ATRNL1: variants seen among roughly 807,000 people sequenced by gnomAD.
The protein encoded by ATRNL1 is attractin-like protein 1.
In ATRNL1, 95 loss-of-function variants were observed where a neutral mutation model predicts 182.7. The observed-to-expected ratio is 0.52, with a 90% confidence interval of 0.44 to 0.62. The LOEUF is 0.62. ATRNL1 is among the 20% of genes least tolerant of loss of function. The probability of loss-of-function intolerance (pLI) is 0.00; values close to 1 mark genes in which losing one functional copy is unlikely to be tolerated. For synonymous variants in ATRNL1, 576 were observed against 568.3 expected, an observed-to-expected ratio of 1.01 and a Z score of -0.19; for missense variants, 1,471 against 1,679.5, an observed-to-expected ratio of 0.88 and a Z score of 2.17.
intron 19 of ATRNL1, among the ~76,000 whole-genome samples, chr10:115,367,591 A>G (rs185119999): frequency 6.6e-6 from 1 of 151,724 alleles, no homozygotes; most frequent in Non-Finnish European, 1.5e-5. Flanking sequence ...GGAGGAGAGG[A>G]ACTCTGCCTT....
intron 28 of ATRNL1, among the ~76,000 whole-genome samples, chr10:115,892,703 C>T (rs782562849): frequency 2.0e-5 from 3 of 152,080 alleles, no homozygotes; most frequent in South Asian, 2.1e-4. Flanking sequence ...ATTTGAATTC[C>T]GATTGAAATC....
At chr10:115,675,416 GA>G (rs1375598163) in intron 26 of ATRNL1, among the ~76,000 whole-genome samples, 2 of 152,010 alleles carry the variant, frequency 1.3e-5, no homozygotes, top group Non-Finnish European at 2.9e-5. Context: ...AAGTGGAAGA[GA>G]AAGAGAAAGA....
intron 17 of ATRNL1, among the ~76,000 whole-genome samples, chr10:115,303,328 G>T (rs1490771295): frequency 6.7e-6 from 1 of 149,362 alleles, no homozygotes; most frequent in Admixed American, 6.8e-5. Context: ...TGGTTCAAGT[G>T]ATTCTCTTGC....
chr10:115,710,326 TA>T (rs745748036), intron 26 of ATRNL1, among the ~76,000 whole-genome samples: 32 of 152,108 alleles, frequency 2.1e-4, no homozygotes, highest in Non-Finnish European at 4.3e-4. Flanking sequence ...TGAATCAGAT[TA>T]TTTACATTTT....
intron 26 of ATRNL1, among the ~76,000 whole-genome samples, chr10:115,669,308 G>A (rs1945618408): frequency 6.6e-6 from 1 of 151,932 alleles, no homozygotes; most frequent in South Asian, 2.1e-4. Context: ...TTATAAATGG[G>A]ATATAGCAGA....
At chr10:115,923,644 C>T (rs531771258) in intron 28 of ATRNL1, among the ~76,000 whole-genome samples, 4 of 152,202 alleles carry the variant, frequency 2.6e-5, no homozygotes, top group African/African-American at 2.4e-5. Context: ...TTTCTTTATC[C>T]GGTCTATCAT....
At chr10:115,131,144 TGAG>T (rs1186434979) in intron 5 of ATRNL1, among the ~76,000 whole-genome samples, 3 of 152,014 alleles carry the variant, frequency 2.0e-5, no homozygotes, top group Admixed American at 1.3e-4. Flanking sequence ...CAAATGGAAA[TGAG>T]GAAGCAAATA....
At chr10:115,385,697 T>C (rs1554952430) in intron 19 of ATRNL1, among the ~76,000 whole-genome samples, 2 of 152,206 alleles carry the variant, frequency 1.3e-5, no homozygotes, top group African/African-American at 4.8e-5. Flanking sequence ...GTGTTAACTC[T>C]TACATGGAAA....
intron 28 of ATRNL1, among the ~76,000 whole-genome samples, chr10:115,914,157 C>T (rs1339088850): frequency 2.0e-5 from 3 of 152,186 alleles, no homozygotes; most frequent in African/African-American, 7.2e-5. Context: ...TGAAGAAGAA[C>T]GTGTTTGCTT....
intron 8 of ATRNL1, among the ~76,000 whole-genome samples, chr10:115,205,846 C>T (rs2144342717): frequency 6.6e-6 from 1 of 152,102 alleles, no homozygotes; most frequent in South Asian, 2.1e-4. Context: ...TGCTTTCAAC[C>T]ATCAAGCATA....
In ATRNL1 at chr10:115,425,066, C is replaced by T. The variant is rs781857405; in HGVS notation, c.3270-1184C>T. 4.6e-5 allele frequency among the ~76,000 whole-genome samples: 7 copies of T among 151,930 alleles called. No individual in the cohort carries two copies. The South Asian group carries it at 6.2e-4, about 13-fold the overall frequency. On this transcript the variant is annotated intron_variant, in intron 20 of 28. Transcript: ENST00000355044. ...TGACTTTAATTTTATAATTAATATA[C>T]AGTAAAATTTACTCTTCAACTCATT...
intron 26 of ATRNL1, among the ~76,000 whole-genome samples, chr10:115,574,866 CTT>C (rs1284406716): frequency 6.6e-6 from 1 of 152,096 alleles, no homozygotes; most frequent in African/African-American, 2.4e-5. Flanking sequence ...AGAAACATCT[CTT>C]AAACAAAATT....
chr10:115,231,634 A>G (rs1849957782), intron 9 of ATRNL1, among the ~76,000 whole-genome samples: 1 of 152,154 alleles, frequency 6.6e-6, no homozygotes, highest in Non-Finnish European at 1.5e-5. Flanking sequence ...AGAGGGATGT[A>G]CTCAAGAAAA....
At chr10:115,361,523 T>G (rs1434192113) in intron 19 of ATRNL1, among the ~76,000 whole-genome samples, 1 of 152,090 alleles carries the variant, frequency 6.6e-6, no homozygotes, top group African/African-American at 2.4e-5. Flanking sequence ...CTTACATAGG[T>G]GTCTACTCAC....
chr10:115,553,577 C>T (rs1360669124), intron 26 of ATRNL1, among the ~76,000 whole-genome samples: 1 of 151,338 alleles, frequency 6.6e-6, no homozygotes, highest in Non-Finnish European at 1.5e-5. Flanking sequence ...AATACCCTAT[C>T]TCCCTGCATA....
At chr10:115,473,828 A>G (rs1565081106) in intron 24 of ATRNL1, among the ~76,000 whole-genome samples, 1 of 151,332 alleles carries the variant, frequency 6.6e-6, no homozygotes, top group East Asian at 1.9e-4. Flanking sequence ...GAATTTATTC[A>G]TTCTTTTCTA....
rs1554953808 is a variant in ATRNL1, at chr10:115,389,548, A to ATATATATATG, written c.3176-5102_3176-5101insGTATATATAT. On this transcript the variant is annotated intron_variant, in intron 19 of 28. Coordinates refer to ENST00000355044, the MANE Select transcript of ATRNL1 (RefSeq NM_207303.4). ...TATTCAAATGTGTATGTGTATATAT[A>ATATATATATG]TATATATATATATATATATATATAT... Among the ~76,000 whole-genome samples the ATATATATATG allele has an allele frequency of 9.5e-3, 286 of 30,190 alleles. 39 individuals carry two copies. Among genetic ancestry groups the ATATATATATG allele is most frequent in the South Asian group, 0.017 (14 of 806 alleles). 19.8% of individuals were successfully genotyped at this position (30,190 alleles called of 152,430 possible). A position where few individuals can be genotyped will look rare whatever the true frequency, so the allele number is the denominator to read the frequency against.
Position 115,426,322 on chromosome 10 carries a change from T to C in ATRNL1, c.3322+20T>C. On this transcript the variant is annotated intron_variant, in intron 21 of 28. Transcript: ENST00000355044. The stretch of plus-strand genomic sequence containing the variant: ...GTTATTGTAAGTATATGTGTATTCT[T>C]CATTTTAAATAATTGGTGCATACTA... 1 of 1,557,036 alleles carries C rather than the reference T, an allele frequency of 6.4e-7. No individual in the cohort carries two copies. The highest frequency in any genetic ancestry group is 8.8e-7 in the Non-Finnish European group (1 of 1,133,854).
chr10:115,381,286 A>G (rs1857981735), intron 19 of ATRNL1, among the ~76,000 whole-genome samples: 1 of 151,652 alleles, frequency 6.6e-6, no homozygotes, highest in African/African-American at 2.4e-5. Flanking sequence ...CTATTTTTTG[A>G]GACAGAGTCT....
Sources: allele counts gnomAD v4.1 joint callset (sites outside exome capture counted in the v4.1 genomes callset), GRCh38; gene constraint gnomAD v4.1.1; transcripts MANE v1.5; gene names NCBI Gene and HGNC (gene_info 2026-07-23, HGNC 2026-07-21).